Variants in ENOX1 observed in about 807,000 individuals in gnomAD.
The protein encoded by ENOX1 is candidate growth-related and time keeping constitutive hydroquinone (NADH) oxidase.
Under a neutral mutation model 82.5 loss-of-function variants are expected in ENOX1, and 42 were observed. The observed-to-expected ratio is 0.51, with a 90% CI of 0.40 to 0.66. The LOEUF (loss-of-function observed/expected upper bound fraction) is 0.66. ENOX1 is among the 30% of genes least tolerant of loss of function. The pLI is 0.00. For synonymous variants in ENOX1, 271 were observed against 282.2 expected, an observed-to-expected ratio of 0.96 and a Z score of 0.40; for missense variants, 608 against 811.6, an observed-to-expected ratio of 0.75 and a Z score of 3.05.
chr13:43,591,073 T>C (rs2081226520), intron 2 of ENOX1, among the ~76,000 whole-genome samples: 1 of 152,200 alleles, frequency 6.6e-6, no homozygotes, highest in Admixed American at 6.5e-5. Flanking sequence ...TACACAGTAA[T>C]TTAGCACTGT....
intron 9 of ENOX1, among the ~76,000 whole-genome samples, chr13:43,328,756 C>T (rs999164770): frequency 6.6e-6 from 1 of 152,118 alleles, no homozygotes; most frequent in Non-Finnish European, 1.5e-5. Flanking sequence ...TAGATATTTC[C>T]TGTTTGTGGC....
chr13:43,226,619 C>T (rs931230488), intron 15 of ENOX1, among the ~76,000 whole-genome samples: 1 of 152,216 alleles, frequency 6.6e-6, no homozygotes, highest in African/African-American at 2.4e-5. Context: ...TTTCACTGAC[C>T]ATCCCAGGTA....
intron 2 of ENOX1, among the ~76,000 whole-genome samples, chr13:43,642,887 G>A (rs1044684638): frequency 6.6e-6 from 1 of 152,108 alleles, no homozygotes; most frequent in African/African-American, 2.4e-5. Flanking sequence ...TTATACTACA[G>A]CTATGTTTGT....
At chr13:43,288,099 C>A (rs2045803131) in intron 12 of ENOX1, among the ~76,000 whole-genome samples, 1 of 152,136 alleles carries the variant, frequency 6.6e-6, no homozygotes, top group Non-Finnish European at 1.5e-5. Context: ...TTATAATGCA[C>A]CATCCCAATA....
intron 2 of ENOX1, among the ~76,000 whole-genome samples, chr13:43,646,600 GC>G (rs1260246403): frequency 1.3e-5 from 2 of 152,166 alleles, no homozygotes; most frequent in African/African-American, 2.4e-5. Context: ...CCAAAGACAA[GC>G]TATCCTTCTC....
chr13:43,714,736 C>A (rs1371670057), intron 1 of ENOX1, among the ~76,000 whole-genome samples: 1 of 152,094 alleles, frequency 6.6e-6, no homozygotes, highest in Non-Finnish European at 1.5e-5. Flanking sequence ...AGGATTGCAA[C>A]CCCTGCCTTT....
intron 11 of ENOX1, among the ~76,000 whole-genome samples, chr13:43,305,698 AC>A (rs1280425550): frequency 6.6e-6 from 1 of 152,162 alleles, no homozygotes; most frequent in African/African-American, 2.4e-5. Context: ...TTTTCCATTT[AC>A]ATTACTATCC....
At chr13:43,693,632 T>C (rs2086484142) in intron 1 of ENOX1, among the ~76,000 whole-genome samples, 1 of 152,246 alleles carries the variant, frequency 6.6e-6, no homozygotes, top group African/African-American at 2.4e-5. Context: ...TTCCTTTCTC[T>C]GTCTCTGAAA....
At chr13:43,440,291 T>C (rs1250340170) in intron 3 of ENOX1, among the ~76,000 whole-genome samples, 2 of 152,170 alleles carry the variant, frequency 1.3e-5, no homozygotes, top group South Asian at 2.1e-4. Flanking sequence ...AGATGAATTA[T>C]TGAGAAACTT....
intron 2 of ENOX1, among the ~76,000 whole-genome samples, chr13:43,600,351 C>T (rs1347554144): frequency 1.3e-5 from 2 of 152,128 alleles, no homozygotes; most frequent in African/African-American, 2.4e-5. Context: ...ACAAGTTGAA[C>T]GAAGAGCCCT....
chr13:43,303,772 G>A (rs1368029161), intron 11 of ENOX1, among the ~76,000 whole-genome samples: 1 of 152,094 alleles, frequency 6.6e-6, no homozygotes, highest in Non-Finnish European at 1.5e-5. Flanking sequence ...CTCCTGGCGG[G>A]CATATTAAAA....
At chr13:43,731,004 G>C (rs2089308041) in intron 1 of ENOX1, among the ~76,000 whole-genome samples, 1 of 152,022 alleles carries the variant, frequency 6.6e-6, no homozygotes, top group South Asian at 2.1e-4. Flanking sequence ...CTCATCCTTG[G>C]GGGCAGAGGC....
At chr13:43,598,365 G>A (rs995298280) in intron 2 of ENOX1, among the ~76,000 whole-genome samples, 2 of 152,168 alleles carry the variant, frequency 1.3e-5, no homozygotes, top group African/African-American at 4.8e-5. Flanking sequence ...ATAGGAACAA[G>A]ATAAATGTTT....
chr13:43,415,439 G>T (rs1465370652), intron 3 of ENOX1, among the ~76,000 whole-genome samples: 1 of 151,520 alleles, frequency 6.6e-6, no homozygotes, highest in African/African-American at 2.4e-5. Flanking sequence ...ATTAGGGAGT[G>T]GTGATGACTC....
intron 3 of ENOX1, among the ~76,000 whole-genome samples, chr13:43,430,742 T>C (rs2055606226): frequency 6.6e-6 from 1 of 152,190 alleles, no homozygotes; most frequent in Admixed American, 6.5e-5. Context: ...AACACTACAA[T>C]TTAATAGAAA....
At chr13:43,262,486 C>T (rs986384794) in intron 14 of ENOX1, among the ~76,000 whole-genome samples, 1 of 152,152 alleles carries the variant, frequency 6.6e-6, no homozygotes, top group Non-Finnish European at 1.5e-5. Context: ...TTGTGTTCTG[C>T]CTTAAAATTC....
intron 2 of ENOX1, among the ~76,000 whole-genome samples, chr13:43,532,157 A>G (rs1421650325): frequency 1.3e-5 from 2 of 152,146 alleles, no homozygotes; most frequent in African/African-American, 4.8e-5. Flanking sequence ...TGTTAAAATA[A>G]AGAAAAAGAA....
chr13:43,454,985 C>A (rs1440733972), intron 3 of ENOX1, among the ~76,000 whole-genome samples: 1 of 152,068 alleles, frequency 6.6e-6, no homozygotes, highest in Non-Finnish European at 1.5e-5. Flanking sequence ...TTCTTTTTAA[C>A]ACCATTTTGT....
chr13:43,598,839 G>C (rs536613386), intron 2 of ENOX1, among the ~76,000 whole-genome samples: 1 of 152,088 alleles, frequency 6.6e-6, no homozygotes, highest in South Asian at 2.1e-4. Flanking sequence ...GTTTAACAGA[G>C]GCTCTAAAGG....
Sources: allele counts gnomAD v4.1 joint callset (sites outside exome capture counted in the v4.1 genomes callset), GRCh38; gene constraint gnomAD v4.1.1; transcripts MANE v1.5; gene names NCBI Gene and HGNC (gene_info 2026-07-23, HGNC 2026-07-21).